Variants in KANSL1 observed in about 807,000 individuals in gnomAD.
The protein encoded by KANSL1 is MLL1/MLL complex subunit KANSL1.
Under a neutral mutation model 103.6 loss-of-function variants are expected in KANSL1, and 22 were observed. That is an observed-to-expected ratio of 0.21 (90% confidence interval 0.15 to 0.30). KANSL1 has a LOEUF of 0.30. Ranked by LOEUF, KANSL1 falls within the 10% of genes least tolerant of loss-of-function variation. The pLI, the probability that KANSL1 is intolerant of heterozygous loss-of-function variation, is 1.00. For missense variants in KANSL1, 1,337 were observed against 1,399.8 expected (o/e 0.96, Z 0.72); for synonymous variants, 600 against 527.6 (o/e 1.14, Z -1.88).
intron 1 of KANSL1, among the ~76,000 whole-genome samples, chr17:46,177,927 G>A (rs1443994338): frequency 6.6e-6 from 1 of 152,150 alleles, no homozygotes; most frequent in Non-Finnish European, 1.5e-5. Context: ...ACAGGCGTCC[G>A]CCACCACGCC....
chr17:46,068,036 T>G (rs1456038690), intron 4 of KANSL1, among the ~76,000 whole-genome samples: 18 of 152,128 alleles, frequency 1.2e-4, no homozygotes. Flanking sequence ...GGAATCCAAA[T>G]GTACAGACTA....
chr17:46,144,700 G>A (rs1419604111), intron 2 of KANSL1, among the ~76,000 whole-genome samples: 2 of 151,918 alleles, frequency 1.3e-5, no homozygotes, highest in African/African-American at 4.8e-5. Context: ...TCTGAAAAAT[G>A]TAATGGGATT....
At chr17:46,035,025 C>T (rs1286085211) in intron 10 of KANSL1, 1 of 152,220 alleles carries the variant, frequency 6.6e-6, no homozygotes, top group Non-Finnish European at 1.5e-5. Context: ...AAAAATAAGA[C>T]TTCCAAGGAT....
intron 2 of KANSL1, among the ~76,000 whole-genome samples, chr17:46,147,684 C>T (rs561010788): frequency 6.6e-6 from 1 of 151,312 alleles, no homozygotes; most frequent in Admixed American, 6.6e-5. Flanking sequence ...GCTTGACCAA[C>T]TTAACAAATA....
At chr17:46,200,117 A>G (rs1264539369) in intron 1 of KANSL1, among the ~76,000 whole-genome samples, 1 of 142,662 alleles carries the variant, frequency 7.0e-6, no homozygotes, top group Non-Finnish European at 1.5e-5. Context: ...TAACTTTAGA[A>G]TATTTTAAAA....
chr17:46,181,931 C>G (rs1834101347), intron 1 of KANSL1, among the ~76,000 whole-genome samples: 1 of 152,002 alleles, frequency 6.6e-6, no homozygotes, highest in Non-Finnish European at 1.5e-5. Flanking sequence ...TACATAGCAT[C>G]TCCACAAAAA....
rs115796348 is a variant in KANSL1, at chr17:46,065,932, C to T, written c.1848+605G>A. 3.8e-3 allele frequency among the ~76,000 whole-genome samples: 577 copies of T among 152,218 alleles called. 3 individuals are homozygous for T. Among genetic ancestry groups the T allele is most frequent in the African/African-American group, 0.012 (496 of 41,530 alleles). ...AAGCTTAAGTACAGTGGCACAAATA[C>T]AGCTCAAAGCAGCCTCAACCTTATG... On this transcript the variant is annotated intron_variant, in intron 6 of 14. Transcript: ENST00000432791.
intron 2 of KANSL1, among the ~76,000 whole-genome samples, chr17:46,160,694 T>C (rs143087580): frequency 7.2e-5 from 11 of 152,340 alleles, no homozygotes; most frequent in Admixed American, 2.0e-4. Flanking sequence ...ATGGCCATTA[T>C]ACCTTTCCTC....
At chr17:46,151,767 T>C (rs2045118639) in intron 2 of KANSL1, among the ~76,000 whole-genome samples, 1 of 152,250 alleles carries the variant, frequency 6.6e-6, no homozygotes, top group Non-Finnish European at 1.5e-5. Flanking sequence ...CAATTAAATC[T>C]AGCATGTTGA....
intron 4 of KANSL1, among the ~76,000 whole-genome samples, chr17:46,077,969 T>G (rs2078846856): frequency 6.6e-6 from 1 of 152,190 alleles, no homozygotes; most frequent in Admixed American, 6.5e-5. Flanking sequence ...AAGAATCATA[T>G]TCTCATGTTT....
At chr17:46,217,038 T>C (rs929825968) in intron 1 of KANSL1, among the ~76,000 whole-genome samples, 2 of 150,116 alleles carry the variant, frequency 1.3e-5, no homozygotes, top group Non-Finnish European at 2.9e-5. Context: ...GTCCAGGGGT[T>C]AGGGGGCTGG....
intron 4 of KANSL1, among the ~76,000 whole-genome samples, chr17:46,069,391 C>A (rs184300675): frequency 4.6e-5 from 7 of 152,212 alleles, no homozygotes; most frequent in Admixed American, 3.9e-4. Context: ...TGTCTTTATA[C>A]CCCCAAGGAT....
chr17:46,094,369 T>A (rs533146023), intron 3 of KANSL1, 191 bp downstream of exon 3: 1 of 681,792 alleles, frequency 1.5e-6, no homozygotes, highest in Non-Finnish European at 2.3e-6. Context: ...AGTGCTGGGA[T>A]CACAAGAGTG....
chr17:46,190,298 TTCC>T (rs1362023338), intron 1 of KANSL1, among the ~76,000 whole-genome samples: 2 of 152,240 alleles, frequency 1.3e-5, no homozygotes, highest in Non-Finnish European at 2.9e-5. Context: ...TTCCAGAATT[TTCC>T]TCAACAGGAA....
intron 1 of KANSL1, among the ~76,000 whole-genome samples, chr17:46,189,574 T>C (rs550359276): frequency 1.3e-5 from 2 of 152,352 alleles, no homozygotes; most frequent in African/African-American, 2.4e-5. Context: ...TGGTGTTTTA[T>C]AGCACATTTT....
At position 46,039,193 on chromosome 17, in the gene KANSL1, C is replaced by T. The variant is rs1330369758; in HGVS notation, c.2226G>A (p.Arg742=). ...AGTGCTGCCTGTGGGTCCTGTCAGG[C>T]CGGGTTTGGTGATGGGACAGCTCTG... The part of the protein sequence containing the change: ...TTAKLSHHQT[R]PDRTHRQHLD... Residue 742 remains arginine (R), a synonymous_variant, in exon 9 of 15, where the codon CGG becomes CGA. Transcript: ENST00000432791. The T allele has an allele frequency of 6.3e-7, 1 of 1,591,328 alleles. No individual in the cohort carries two copies. Among genetic ancestry groups the T allele is most frequent in the Admixed American group, 1.9e-5 (1 of 52,636 alleles).
At chr17:46,152,586 G>GT (rs2045175935) in intron 2 of KANSL1, among the ~76,000 whole-genome samples, 1 of 145,580 alleles carries the variant, frequency 6.9e-6, no homozygotes, top group Admixed American at 6.8e-5. Context: ...ACACAAAGGG[G>GT]GGGGGGGGAT....
intron 2 of KANSL1, among the ~76,000 whole-genome samples, chr17:46,144,593 T>C (rs1275572967): frequency 6.6e-6 from 1 of 152,152 alleles, no homozygotes; most frequent in Non-Finnish European, 1.5e-5. Flanking sequence ...GCCAGATACA[T>C]AACCTGTATA....
rs373759089 is a variant in KANSL1, at chr17:46,171,279, G to A, written c.865C>T (p.Arg289Trp). ...CGGCTCTCAATGTCAGCCTGTCGCC[G>A]CAGTAAAGCTGTTATCCTTGTGTCA... is the stretch of plus-strand genomic sequence containing the variant. ...DSDTRITALL[R>W]RQADIESRAR... The change falls in exon 2 of 15, where the codon CGG becomes TGG. Residue 289 changes from arginine to tryptophan, a missense_variant. Around this residue, in one of 2 missense-constraint regions of KANSL1, gnomAD observed 557 missense variants for 476.4 expected, o/e 1.17. Coordinates refer to ENST00000432791, the MANE Select transcript of KANSL1 (RefSeq NM_015443.4). 26 of 1,613,966 alleles carry A rather than the reference G, an allele frequency of 1.6e-5. No homozygotes were observed. The highest frequency in any genetic ancestry group is 3.3e-5 in the Admixed American group (2 of 59,998).
Sources: gnomAD v4.1 joint callset for allele counts (sites outside exome capture counted in the v4.1 genomes callset) on GRCh38, gnomAD v4.1.1 for gene constraint, gnomAD v4.1.1 regional missense constraint, MANE v1.5 for transcripts, NCBI Gene and HGNC (gene_info 2026-07-23, HGNC 2026-07-21) for gene names.